Variants in MBD5 observed in about 807,000 individuals in gnomAD.
MBD5 encodes methyl-CpG binding domain protein 5, also known as methyl-CpG-binding domain protein 5.
Under a neutral mutation model 117.3 loss-of-function variants are expected in MBD5, and 13 were observed. The ratio of observed to expected loss-of-function variants is 0.11; its 90% CI spans 0.07 to 0.18. The LOEUF is 0.18. Among genes scored for constraint, MBD5 ranks in the 10% least tolerant of loss-of-function variants. MBD5 has a pLI of 1.00. For synonymous variants in MBD5, 727 were observed against 766.4 expected, an observed-to-expected ratio of 0.95 and a Z score of 0.85; for missense variants, 1,879 against 2,093.8, an observed-to-expected ratio of 0.90 and a Z score of 2.00.
At chr2:148,378,252 G>A (rs1012044064) in intron 4 of MBD5, among the ~76,000 whole-genome samples, 1 of 151,976 alleles carries the variant, frequency 6.6e-6, no homozygotes, top group African/African-American at 2.4e-5. Flanking sequence ...AGATAAAATA[G>A]TACAAAAAAT....
intron 4 of MBD5, among the ~76,000 whole-genome samples, chr2:148,415,971 C>T (rs1273712949): frequency 6.6e-6 from 1 of 152,110 alleles, no homozygotes; most frequent in East Asian, 1.9e-4. Flanking sequence ...TCATTTCAGC[C>T]ATTCAAGCCT....
At chr2:148,153,642 T>C (rs1697760188) in intron 1 of MBD5, among the ~76,000 whole-genome samples, 1 of 120,926 alleles carries the variant, frequency 8.3e-6, no homozygotes. Flanking sequence ...CTCATTTCTT[T>C]TTATTCTTTT....
chr2:148,361,746 A>G (rs1313288144), intron 4 of MBD5, among the ~76,000 whole-genome samples: 1 of 152,190 alleles, frequency 6.6e-6, no homozygotes, highest in Non-Finnish European at 1.5e-5. Flanking sequence ...CCAAATAGGA[A>G]CAGCTCCGGT....
chr2:148,257,391 A>G (rs988592565), intron 3 of MBD5, among the ~76,000 whole-genome samples: 3 of 152,222 alleles, frequency 2.0e-5, no homozygotes, highest in African/African-American at 7.2e-5. Flanking sequence ...ATGCCCACCA[A>G]TATCCCAGGA....
Position 148,102,725 on chromosome 2 carries a change from CACACAG to C in MBD5, c.-924-75973_-924-75968del, listed in dbSNP as rs1294321915. On this transcript the variant is annotated intron_variant, in intron 1 of 13. Coordinates refer to ENST00000642680, the MANE Select transcript of MBD5 (RefSeq NM_001378120.1). ...TCACACACACACACACACACACACA[CACACAG>C]AGAGAGAGAGAGAGAGAGAGAGAGA... Among the ~76,000 whole-genome samples, 606 of 69,024 alleles carry C rather than the reference CACACAG, an allele frequency of 8.8e-3. 10 individuals carry two copies. The Admixed American group carries it at 0.089, about 10-fold the overall frequency. The allele number at this position is 69,024 out of a possible 152,430, so 45.3% of individuals were successfully genotyped here. A position where few individuals can be genotyped will look rare whatever the true frequency, so the allele number is the denominator to read the frequency against.
chr2:148,299,167 C>T (rs764294674), intron 3 of MBD5, among the ~76,000 whole-genome samples: 7 of 151,526 alleles, frequency 4.6e-5, no homozygotes, highest in Non-Finnish European at 8.8e-5. Flanking sequence ...CTAGCTCTGT[C>T]GCCCAGGCTG....
At chr2:148,389,393 A>G (rs1704497420) in intron 4 of MBD5, among the ~76,000 whole-genome samples, 1 of 149,520 alleles carries the variant, frequency 6.7e-6, no homozygotes, top group Non-Finnish European at 1.5e-5. Flanking sequence ...TGCAATGAAC[A>G]TAACAGTGCA....
intron 12 of MBD5, among the ~76,000 whole-genome samples, chr2:148,505,504 C>A (rs1397044466): frequency 6.6e-6 from 1 of 152,078 alleles, no homozygotes; most frequent in Non-Finnish European, 1.5e-5. Context: ...ATAAAATGAT[C>A]AACAGAGGTG....
chr2:148,469,616 T>C lies in MBD5; in HGVS notation c.1673T>C (p.Leu558Pro). 6.2e-7 allele frequency: 1 copy of C among 1,613,982 alleles called. No individual in the cohort carries two copies. The highest frequency in any genetic ancestry group is 8.5e-7 in the Non-Finnish European group (1 of 1,179,908). Residue 558 changes from leucine to proline, a missense_variant, in exon 8 of 14, where the codon CTG (leucine) becomes CCG (proline). Physicochemically the swap from Leu to Pro is moderately conservative, Grantham distance 98. This residue lies in a region of MBD5 where 1,666 missense variants were observed against 1,792.2 expected (regional missense o/e 0.93). Transcript: ENST00000642680. Reference protein sequence around the residue: ...SSSVKSQPGLLGMPLNQILNQ... With the variant: ...SSSVKSQPGLPGMPLNQILNQ... ...TCTGTAAAGAGTCAGCCTGGTTTGCTGGGAATGCCTTTAAATCAGATCTTG... is the reference window on the plus strand; with the variant it reads ...TCTGTAAAGAGTCAGCCTGGTTTGCCGGGAATGCCTTTAAATCAGATCTTG...
chr2:148,447,590 A>G (rs1395494594), intron 4 of MBD5: 1 of 152,148 alleles, frequency 6.6e-6, no homozygotes, highest in African/African-American at 2.4e-5. Flanking sequence ...ACATGCCTAT[A>G]GAGGCCAGGC....
At chr2:148,463,637 A>G in intron 6 of MBD5, 102 bp from the exon 7 acceptor site, 1 of 1,380,968 alleles carries the variant, frequency 7.2e-7, no homozygotes, top group Non-Finnish European at 1.0e-6. Flanking sequence ...TTTTATTCAG[A>G]TTTATGGCTT....
intron 1 of MBD5, among the ~76,000 whole-genome samples, chr2:148,097,277 T>G (rs1696094131): frequency 6.6e-6 from 1 of 152,184 alleles, no homozygotes; most frequent in South Asian, 2.1e-4. Context: ...ACTACTGCAT[T>G]GTACTAAACA....
chr2:148,381,484 G>C (rs907054717), intron 4 of MBD5, among the ~76,000 whole-genome samples: 1 of 152,170 alleles, frequency 6.6e-6, no homozygotes, highest in African/African-American at 2.4e-5. Context: ...ACGTCTAATT[G>C]GTGTACCTGA....
chr2:148,325,478 G>A (rs1218824832), intron 3 of MBD5, among the ~76,000 whole-genome samples: 7 of 152,208 alleles, frequency 4.6e-5, no homozygotes, highest in Non-Finnish European at 5.9e-5. Flanking sequence ...ACTCTTTTTC[G>A]TTGGTAAGCT....
intron 1 of MBD5, among the ~76,000 whole-genome samples, chr2:148,064,459 C>G (rs543996115): frequency 6.6e-6 from 1 of 152,260 alleles, no homozygotes; most frequent in East Asian, 1.9e-4. Context: ...AAGATTCTTT[C>G]CATAGTGTGC....
At chr2:148,407,792 T>C (rs1489739850) in intron 4 of MBD5, among the ~76,000 whole-genome samples, 2 of 152,204 alleles carry the variant, frequency 1.3e-5, no homozygotes, top group South Asian at 4.1e-4. Flanking sequence ...CTTTCATTTG[T>C]CCCTCTTGTT....
In MBD5 at chr2:148,515,013, A is replaced by G. The variant is rs1488929528; in HGVS notation, c.*2072A>G. On this transcript the variant is annotated 3_prime_UTR_variant, in exon 14 of 14. Transcript: ENST00000642680. Reference sequence around the variant, plus strand: ...AGTCACATGAAGTAATCTTTTGTGTAGTTTAGTTGACACATGTTTATAAGT... The same window carrying G: ...AGTCACATGAAGTAATCTTTTGTGTGGTTTAGTTGACACATGTTTATAAGT... 6.6e-6 allele frequency: 1 copy of G among 152,112 alleles called. No individual in the cohort carries two copies. Among genetic ancestry groups the G allele is most frequent in the Non-Finnish European group, 1.5e-5 (1 of 68,016 alleles). The allele number at this position is 152,112 out of a possible 1,614,324, so 9.4% of individuals were successfully genotyped here.
intron 1 of MBD5, among the ~76,000 whole-genome samples, chr2:148,167,913 G>T (rs574736261): frequency 4.6e-5 from 7 of 152,178 alleles, no homozygotes; most frequent in Middle Eastern, 6.8e-3. Flanking sequence ...TCACTTTGGG[G>T]CTAGTTAAAT....
At chr2:148,381,927 C>G (rs890118062) in intron 4 of MBD5, among the ~76,000 whole-genome samples, 3 of 152,212 alleles carry the variant, frequency 2.0e-5, no homozygotes, top group African/African-American at 7.2e-5. Context: ...TTGTCACCAC[C>G]AGGCCTGCCC....
Sources: gnomAD v4.1 joint callset for allele counts (sites outside exome capture counted in the v4.1 genomes callset) on GRCh38, gnomAD v4.1.1 for gene constraint, gnomAD v4.1.1 regional missense constraint, MANE v1.5 for transcripts, NCBI Gene and HGNC (gene_info 2026-07-23, HGNC 2026-07-21) for gene names.